SEMA5A: variants seen among roughly 807,000 people sequenced by gnomAD.
The protein encoded by SEMA5A is semaphorin 5A.
Under a neutral mutation model 135.5 loss-of-function variants are expected in SEMA5A, and 55 were observed. That is an observed-to-expected ratio of 0.41 (90% CI 0.33 to 0.51). The LOEUF is 0.51. Among genes scored for constraint, SEMA5A ranks in the 20% least tolerant of loss-of-function variants. The pLI, the probability that SEMA5A is intolerant of heterozygous loss-of-function variation, is 0.37. For missense variants in SEMA5A, 1,290 were observed against 1,419.9 expected, an observed-to-expected ratio of 0.91 and a Z score of 1.47; for synonymous variants, 580 against 546.5, an observed-to-expected ratio of 1.06 and a Z score of -0.85.
intron 11 of SEMA5A, among the ~76,000 whole-genome samples, chr5:9,182,605 T>C (rs13171149): frequency 0.19 from 29,441 of 151,752 alleles, 3,067 homozygotes; most frequent in South Asian, 0.25. Flanking sequence ...CATCTGCCTA[T>C]CTTCTGGCTG....
chr5:9,238,392 A>G lies in SEMA5A; in HGVS notation c.271-502T>C, dbSNP rs1748023738. 2.6e-5 allele frequency among the ~76,000 whole-genome samples: 4 copies of G among 152,190 alleles called. No homozygotes were observed. In the South Asian group the frequency reaches 8.3e-4, roughly 31 times the overall value. ...AAGATATACCTGTAAATGATAATCA[A>G]TCAATAGATAGCTCATGCAAAGAAC... On this transcript the variant is annotated intron_variant, in intron 5 of 22. Coordinates refer to ENST00000382496, the MANE Select transcript of SEMA5A (RefSeq NM_003966.3).
chr5:9,399,956 C>T (rs1051303449), intron 2 of SEMA5A, among the ~76,000 whole-genome samples: 6 of 152,146 alleles, frequency 3.9e-5, no homozygotes, highest in African/African-American at 1.4e-4. Flanking sequence ...GAGCCATATA[C>T]ACCGTGGAAT....
intron 15 of SEMA5A, among the ~76,000 whole-genome samples, chr5:9,109,276 G>A (rs1204526838): frequency 1.3e-5 from 2 of 151,840 alleles, no homozygotes; most frequent in Non-Finnish European, 2.9e-5. Context: ...TCCTGACCTC[G>A]TGATCCGCCC....
At chr5:9,509,092 G>A (rs532913859) in intron 1 of SEMA5A, among the ~76,000 whole-genome samples, 4 of 152,104 alleles carry the variant, frequency 2.6e-5, no homozygotes, top group African/African-American at 9.6e-5. Flanking sequence ...ACAAGGTGGT[G>A]CTTTCTACTA....
At chr5:9,238,760 T>A (rs915592304) in intron 5 of SEMA5A, among the ~76,000 whole-genome samples, 2 of 152,034 alleles carry the variant, frequency 1.3e-5, no homozygotes, top group African/African-American at 4.8e-5. Flanking sequence ...TAAAAATATT[T>A]TTTTCATTCT....
chr5:9,207,851 T>TGATAGATAGATAGATA (rs55679317), intron 8 of SEMA5A, among the ~76,000 whole-genome samples: 13 of 146,088 alleles, frequency 8.9e-5, no homozygotes, highest in South Asian at 2.3e-4. Context: ...AGACAGATGA[T>TGATAGATAGATAGATA]GATAGATAGA....
chr5:9,086,576 CTCTT>C (rs1264476056), intron 16 of SEMA5A, among the ~76,000 whole-genome samples: 1 of 152,112 alleles, frequency 6.6e-6, no homozygotes, highest in African/African-American at 2.4e-5. Flanking sequence ...TCCAATAAAC[CTCTT>C]TCTTTTGTAA....
chr5:9,082,086 G>C (rs1311574268), intron 16 of SEMA5A, among the ~76,000 whole-genome samples: 1 of 152,138 alleles, frequency 6.6e-6, no homozygotes, highest in East Asian at 1.9e-4. Context: ...ATGCTGCCAG[G>C]GAGAATGCTA....
chr5:9,377,314 T>C (rs1284316302), intron 3 of SEMA5A, among the ~76,000 whole-genome samples: 2 of 152,086 alleles, frequency 1.3e-5, no homozygotes, highest in East Asian at 1.9e-4. Context: ...CCATAAAATA[T>C]AGGTAAATAG....
At chr5:9,265,428 T>C (rs1187159133) in intron 5 of SEMA5A, 1 of 456,258 alleles carries the variant, frequency 2.2e-6, no homozygotes, top group Non-Finnish European at 4.4e-6. Flanking sequence ...ACCACAGGCA[T>C]CCTACCTTCC....
intron 3 of SEMA5A, among the ~76,000 whole-genome samples, chr5:9,351,469 G>A (rs989333960): frequency 1.3e-5 from 2 of 148,368 alleles, no homozygotes; most frequent in South Asian, 2.2e-4. Flanking sequence ...AGCCCCCACC[G>A]TTTTTTTTTC....
intron 12 of SEMA5A, 86 bp from the exon 13 acceptor site, chr5:9,136,707 G>T: frequency 9.3e-7 from 1 of 1,075,102 alleles, no homozygotes; most frequent in Non-Finnish European, 1.4e-6. Context: ...TCCCTTGGCA[G>T]AGAGGTATGG....
At chr5:9,108,409 T>C (rs1187137619) in intron 15 of SEMA5A, 122 bp from the exon 16 acceptor site, 5 of 1,127,296 alleles carry the variant, frequency 4.4e-6, no homozygotes, top group Non-Finnish European at 6.4e-6. Flanking sequence ...TGGAGGAGCT[T>C]TTTGTATTTT....
chr5:9,302,670 A>C (rs893417557), intron 5 of SEMA5A, among the ~76,000 whole-genome samples: 2 of 152,214 alleles, frequency 1.3e-5, no homozygotes, highest in East Asian at 1.9e-4. Flanking sequence ...TATTGAACAC[A>C]TCTAGACAAA....
chr5:9,447,137 T>C (rs529677046), intron 1 of SEMA5A, among the ~76,000 whole-genome samples: 1 of 152,362 alleles, frequency 6.6e-6, no homozygotes, highest in South Asian at 2.1e-4. Flanking sequence ...TTTAGAATTT[T>C]CTAGCTACAC....
chr5:9,540,287 T>C (rs1738008765), intron 1 of SEMA5A, among the ~76,000 whole-genome samples: 1 of 152,162 alleles, frequency 6.6e-6, no homozygotes, highest in Non-Finnish European at 1.5e-5. Flanking sequence ...CGTGGAGTTC[T>C]GCAAAATGAT....
At chr5:9,317,118 C>A (rs6875199) in intron 5 of SEMA5A, among the ~76,000 whole-genome samples, 48,091 of 151,974 alleles carry the variant, frequency 0.32, 10,458 homozygotes, top group African/African-American at 0.62. Context: ...CATTCTGATT[C>A]CTTAATAATA....
intron 2 of SEMA5A, among the ~76,000 whole-genome samples, chr5:9,388,939 C>A (rs1165758564): frequency 2.0e-5 from 3 of 151,888 alleles, no homozygotes; most frequent in African/African-American, 7.3e-5. Flanking sequence ...AAGAAGGGAG[C>A]ACCATTTTCT....
At chr5:9,093,741 C>T (rs190226762) in intron 16 of SEMA5A, among the ~76,000 whole-genome samples, 2 of 152,098 alleles carry the variant, frequency 1.3e-5, no homozygotes, top group East Asian at 1.9e-4. Flanking sequence ...GACTGTGCAC[C>T]CCCATGCCTG....
Sources: gnomAD v4.1 joint callset for allele counts (sites outside exome capture counted in the v4.1 genomes callset) on GRCh38, gnomAD v4.1.1 for gene constraint, MANE v1.5 for transcripts, NCBI Gene and HGNC (gene_info 2026-07-23, HGNC 2026-07-21) for gene names.